Variants in ATOSA observed in about 807,000 individuals in gnomAD.
ATOSA encodes atos homolog A.
At chr15:52,675,867 C>G in the ATOSA span, among the ~76,000 whole-genome samples, 2 of 150,600 alleles carry the variant, frequency 1.3e-5, no homozygotes, top group Non-Finnish European at 2.9e-5. Context: ...GATTGCGCCA[C>G]TGCACTCCAG....
chr15:52,652,768 A>G, the ATOSA span, among the ~76,000 whole-genome samples: 517 of 152,342 alleles, frequency 3.4e-3, 3 homozygotes, highest in African/African-American at 0.012. Flanking sequence ...AATGACGTTT[A>G]GCTTAAATTC....
At chr15:52,657,999 A>C in the ATOSA span, 1 of 152,224 alleles carries the variant, frequency 6.6e-6, no homozygotes, top group Non-Finnish European at 1.5e-5. Context: ...GCAGTCAAAA[A>C]AATTGTAAAG....
chr15:52,621,944 G>T, the ATOSA span, among the ~76,000 whole-genome samples: 1 of 151,938 alleles, frequency 6.6e-6, no homozygotes, highest in Non-Finnish European at 1.5e-5. Flanking sequence ...CTGCCTATGG[G>T]GTTCAAGCAA....
the ATOSA span, among the ~76,000 whole-genome samples, chr15:52,655,404 A>G: frequency 0.01 from 1,553 of 152,196 alleles, 25 homozygotes; most frequent in African/African-American, 0.036. Context: ...GTGTGATCAC[A>G]AAGACAACGA....
At chr15:52,611,247 T>C in the ATOSA span, 7 of 1,612,194 alleles carry the variant, frequency 4.3e-6, no homozygotes, top group Admixed American at 1.7e-5. Context: ...AATAAATCGG[T>C]CACCATTCCT....
At chr15:52,600,009 T>G in the ATOSA span, 1 of 496,980 alleles carries the variant, frequency 2.0e-6, no homozygotes, top group Non-Finnish European at 3.6e-6. Context: ...ATTTCAAGGC[T>G]TGAAAAAAGA....
chr15:52,586,252 G>GTATA, the ATOSA span: 112 of 150,804 alleles, frequency 7.4e-4, no homozygotes, highest in African/African-American at 2.5e-3. Flanking sequence ...ATATATGTGT[G>GTATA]TATATATATA....
chr15:52,597,084 T>A, the ATOSA span, among the ~76,000 whole-genome samples: 1 of 152,236 alleles, frequency 6.6e-6, no homozygotes, highest in African/African-American at 2.4e-5. Context: ...CTGATGCAAA[T>A]TAAAATGGTA....
the ATOSA span, among the ~76,000 whole-genome samples, chr15:52,590,343 C>A: frequency 6.6e-6 from 1 of 152,176 alleles, no homozygotes; most frequent in East Asian, 1.9e-4. Flanking sequence ...ACACTGCAAC[C>A]GTTTCTAAAC....
At chr15:52,688,335 A>G in the ATOSA span, among the ~76,000 whole-genome samples, 2 of 152,302 alleles carry the variant, frequency 1.3e-5, no homozygotes, top group Admixed American at 6.5e-5. Context: ...AGCTATTCCA[A>G]TGATCCAACC....
the ATOSA span, among the ~76,000 whole-genome samples, chr15:52,700,024 T>C: frequency 6.6e-6 from 1 of 152,220 alleles, no homozygotes; most frequent in South Asian, 2.1e-4. Context: ...AACTACTTTA[T>C]TTTCAATGTA....
the ATOSA span, among the ~76,000 whole-genome samples, chr15:52,606,191 C>T: frequency 6.6e-6 from 1 of 151,936 alleles, no homozygotes; most frequent in Non-Finnish European, 1.5e-5. Flanking sequence ...GAACCATTTT[C>T]AGATGATATA....
chr15:52,634,322 T>C, the ATOSA span, among the ~76,000 whole-genome samples: 1 of 151,994 alleles, frequency 6.6e-6, no homozygotes, highest in African/African-American at 2.4e-5. Flanking sequence ...TCCTAGCTAC[T>C]TGGGAGGCTG....
the ATOSA span, chr15:52,586,926 A>ATGC: frequency 6.9e-6 from 5 of 724,184 alleles, no homozygotes; most frequent in East Asian, 1.7e-4. Context: ...AAACTGTCAT[A>ATGC]TGCTATTTTT....
chr15:52,622,023 T>A, the ATOSA span, among the ~76,000 whole-genome samples: 1 of 152,086 alleles, frequency 6.6e-6, no homozygotes, highest in African/African-American at 2.4e-5. Context: ...ATTTTTGTAT[T>A]TTTAGTAGAG....
At chr15:52,686,824 G>A in the ATOSA span, among the ~76,000 whole-genome samples, 11 of 152,338 alleles carry the variant, frequency 7.2e-5, no homozygotes, top group Non-Finnish European at 1.5e-5. Context: ...TTAAAGGCAT[G>A]CTCTACTGTG....
chr15:52,705,698 C>G, the ATOSA span, among the ~76,000 whole-genome samples: 3 of 152,244 alleles, frequency 2.0e-5, no homozygotes, highest in East Asian at 5.8e-4. Context: ...TACATAGATT[C>G]CCAGCACCAG....
chr15:52,595,615 T>C, the ATOSA span, among the ~76,000 whole-genome samples: 1 of 151,992 alleles, frequency 6.6e-6, no homozygotes, highest in Admixed American at 6.6e-5. Flanking sequence ...ACTGTCTATG[T>C]AGAAAAATCC....
At chr15:52,697,957 A>ATTTTT in the ATOSA span, among the ~76,000 whole-genome samples, 80 of 44,784 alleles carry the variant, frequency 1.8e-3, 2 homozygotes, top group Non-Finnish European at 2.1e-3. Flanking sequence ...GGGATGTAGA[A>ATTTTT]TTTTTTTTTT....
Sources: gnomAD v4.1 joint callset for allele counts (sites outside exome capture counted in the v4.1 genomes callset) on GRCh38, gnomAD v4.1.1 for gene constraint, MANE v1.5 for transcripts, NCBI Gene and HGNC (gene_info 2026-07-23, HGNC 2026-07-21) for gene names.